The following SEMA3D variants were observed in gnomAD, a reference collection of about 807,000 sequenced individuals.
The protein encoded by SEMA3D is semaphorin-3D.
A neutral mutation model predicts 100.1 loss-of-function variants in SEMA3D; 84 were observed. The ratio of observed to expected loss-of-function variants is 0.84; its 90% CI spans 0.70 to 1.01. The LOEUF is 1.01. Ranked by LOEUF, SEMA3D falls within the 50% of genes least tolerant of loss-of-function variation. The pLI is 0.00. For missense variants in SEMA3D, 875 were observed against 934.1 expected (o/e 0.94, Z 0.82); for synonymous variants, 312 against 320.7 (o/e 0.97, Z 0.29).
At chr7:85,163,063 C>A (rs1467886337) in intron 1 of SEMA3D, 1 of 717,000 alleles carries the variant, frequency 1.4e-6, no homozygotes, top group Non-Finnish European at 1.7e-6. Context: ...TATACATATC[C>A]AAAATATACA....
At chr7:85,140,793 T>A in intron 2 of SEMA3D, 1 of 948,320 alleles carries the variant, frequency 1.1e-6, no homozygotes, top group Non-Finnish European at 1.3e-6. Context: ...GCTGCTTAAT[T>A]ATTCCATTAA....
chr7:85,179,662 CTTTT>C (rs145786339), intron 1 of SEMA3D, among the ~76,000 whole-genome samples: 21 of 137,682 alleles, frequency 1.5e-4, no homozygotes, highest in East Asian at 4.5e-4. Context: ...TGGACTTGAA[CTTTT>C]TTTTTTTTTT....
the SEMA3D span, among the ~76,000 whole-genome samples, chr7:85,227,767 T>C: frequency 6.6e-6 from 1 of 152,140 alleles, no homozygotes; most frequent in Non-Finnish European, 1.5e-5. Flanking sequence ...TAGAATTCTG[T>C]GTACTATTTC....
At chr7:85,161,460 C>G (rs1790742332) in intron 1 of SEMA3D, among the ~76,000 whole-genome samples, 1 of 151,868 alleles carries the variant, frequency 6.6e-6, no homozygotes, top group African/African-American at 2.4e-5. Flanking sequence ...TTCCTCCCTC[C>G]CCTGCTGTAA....
At chr7:85,119,138 G>C (rs1334653290) in intron 3 of SEMA3D, among the ~76,000 whole-genome samples, 1 of 152,170 alleles carries the variant, frequency 6.6e-6, no homozygotes, top group Non-Finnish European at 1.5e-5. Context: ...AGGTTGTGGA[G>C]AAAACGGAAT....
intron 12 of SEMA3D, among the ~76,000 whole-genome samples, chr7:85,026,719 A>G (rs1228149379): frequency 6.6e-6 from 1 of 152,008 alleles, no homozygotes; most frequent in Non-Finnish European, 1.5e-5. Context: ...TGGGATCAGC[A>G]TAGTTTACAA....
chr7:85,096,585 G>A (rs919040941), intron 4 of SEMA3D, among the ~76,000 whole-genome samples: 1 of 151,768 alleles, frequency 6.6e-6, no homozygotes, highest in African/African-American at 2.4e-5. Flanking sequence ...TTAAGTATGA[G>A]CCTTTATAAG....
At chr7:85,168,064 T>G (rs1253479367) in intron 1 of SEMA3D, among the ~76,000 whole-genome samples, 1 of 151,894 alleles carries the variant, frequency 6.6e-6, no homozygotes, top group Non-Finnish European at 1.5e-5. Context: ...GTGTATATAA[T>G]AATTGAAAAG....
At chr7:85,092,579 TTAA>T (rs1163981399) in intron 4 of SEMA3D, among the ~76,000 whole-genome samples, 1 of 152,042 alleles carries the variant, frequency 6.6e-6, no homozygotes, top group Non-Finnish European at 1.5e-5. Flanking sequence ...AAGATATATA[TTAA>T]ATGATGCTTA....
chr7:85,247,538 C>T, the SEMA3D span, among the ~76,000 whole-genome samples: 1 of 151,898 alleles, frequency 6.6e-6, no homozygotes, highest in East Asian at 1.9e-4. Context: ...TTGTGAATAC[C>T]TACAAATGAT....
chr7:85,208,302 C>G, the SEMA3D span, among the ~76,000 whole-genome samples: 1 of 151,888 alleles, frequency 6.6e-6, no homozygotes, highest in African/African-American at 2.4e-5. Context: ...CTGAGATTGA[C>G]AGCAACAAAC....
In SEMA3D at chr7:85,172,005, G is replaced by T. The variant is rs115515285; in HGVS notation, c.-173+14673C>A. Among the ~76,000 whole-genome samples the T allele has an allele frequency of 8.7e-3, 1,314 of 151,560 alleles. 19 individuals are homozygous for T. The highest frequency in any genetic ancestry group is 0.03 in the African/African-American group (1,241 of 41,386). On this transcript the variant is annotated intron_variant, in intron 1 of 18. Coordinates refer to ENST00000284136, the MANE Select transcript of SEMA3D (RefSeq NM_001384900.1). ...TGTGTATATGTTTATAATATATATAGAGAGAGACACACATACATATATAGA... is the reference window on the plus strand; with the variant it reads ...TGTGTATATGTTTATAATATATATATAGAGAGACACACATACATATATAGA...
In SEMA3D at chr7:85,022,571, C is replaced by T. The variant is rs1476730136; in HGVS notation, c.1234G>A (p.Asp412Asn). Residue 412 changes from aspartate to asparagine, a missense_variant, in exon 13 of 19, where the codon GAT (aspartate) becomes AAT (asparagine). Physicochemically the swap from Asp to Asn is conservative, Grantham distance 23. Coordinates refer to ENST00000284136, the MANE Select transcript of SEMA3D (RefSeq NM_001384900.1). ...AAACTGATGACATCATCTGGAAAAT[C>T]TCGGGTGGACTTAATCAGTGGGTCA... ...TYDPLIKSTR[D>N]FPDDVISFIK... The T allele has an allele frequency of 6.2e-7, 1 of 1,612,314 alleles. No homozygotes were observed. The highest frequency in any genetic ancestry group is 8.5e-7 in the Non-Finnish European group (1 of 1,178,936).
Position 85,147,099 on chromosome 7 carries a change from T to C in SEMA3D, c.-41+6509A>G, listed in dbSNP as rs1036977393. Among the ~76,000 whole-genome samples, 1,331 of 113,572 alleles carry C rather than the reference T, an allele frequency of 0.012. 112 individuals carry two copies. In the East Asian group the frequency reaches 0.23, roughly 20 times the overall value. The allele number at this position is 113,572 out of a possible 152,430, so 74.5% of individuals were successfully genotyped here. On this transcript the variant is annotated intron_variant, in intron 2 of 18. Transcript: ENST00000284136. ...TTCTTTTCTTTTTCTTTTCTTTTTT[T>C]TTTTTTTTTTTTTTTTTTTTGAGAC...
chr7:85,114,135 T>C (rs370033572), intron 3 of SEMA3D, among the ~76,000 whole-genome samples: 10 of 152,172 alleles, frequency 6.6e-5, no homozygotes, highest in African/African-American at 2.4e-4. Flanking sequence ...CAAGGGAATG[T>C]TGTGATTCTT....
chr7:85,114,600 A>G (rs1789184400), intron 3 of SEMA3D, among the ~76,000 whole-genome samples: 1 of 152,178 alleles, frequency 6.6e-6, no homozygotes, highest in African/African-American at 2.4e-5. Context: ...TAGGATTTCT[A>G]TCCTGCATTC....
the SEMA3D span, among the ~76,000 whole-genome samples, chr7:85,222,650 C>T: frequency 6.6e-6 from 1 of 152,098 alleles, no homozygotes; most frequent in Non-Finnish European, 1.5e-5. Context: ...CCCTCTGTGT[C>T]TGCTTCACAG....
intron 1 of SEMA3D, among the ~76,000 whole-genome samples, chr7:85,161,480 G>A (rs1430952970): frequency 2.0e-5 from 3 of 152,012 alleles, no homozygotes; most frequent in African/African-American, 4.8e-5. Flanking sequence ...ACTTTGCAGG[G>A]TATGAAAAAC....
chr7:85,128,070 G>A (rs1175482232), intron 2 of SEMA3D, among the ~76,000 whole-genome samples: 1 of 151,568 alleles, frequency 6.6e-6, no homozygotes, highest in Non-Finnish European at 1.5e-5. Context: ...AGCAGAGTAG[G>A]AATTATTGAA....
Sources: allele counts gnomAD v4.1 joint callset (sites outside exome capture counted in the v4.1 genomes callset), GRCh38; gene constraint gnomAD v4.1.1; transcripts MANE v1.5; gene names NCBI Gene and HGNC (gene_info 2026-07-23, HGNC 2026-07-21).